The following HMCN2 variants were observed in gnomAD, a reference collection of about 807,000 sequenced individuals.
The protein encoded by HMCN2 is hemicentin-2.
In HMCN2, 325 loss-of-function variants were observed where a neutral mutation model predicts 377.5. The observed-to-expected ratio is 0.86, with a 90% confidence interval of 0.79 to 0.94. The LOEUF is 0.94. Ranked by LOEUF, HMCN2 falls within the 40% of genes least tolerant of loss-of-function variation. HMCN2 has a pLI of 0.00. For synonymous variants in HMCN2, 2,007 were observed against 2,046.8 expected (o/e 0.98, Z 0.53); for missense variants, 4,543 against 4,725.3 (o/e 0.96, Z 1.13).
At chr9:130,267,907 C>G (rs1834211777) in intron 1 of HMCN2, among the ~76,000 whole-genome samples, 1 of 152,252 alleles carries the variant, frequency 6.6e-6, no homozygotes, top group African/African-American at 2.4e-5. Context: ...CCAGCTCTCT[C>G]ACCCACTTTC....
At chr9:130,362,695 G>A (rs572307206) in intron 39 of HMCN2, among the ~76,000 whole-genome samples, 172 bp from the exon 40 acceptor site, 2 of 152,340 alleles carry the variant, frequency 1.3e-5, no homozygotes, top group South Asian at 2.1e-4. Flanking sequence ...GCAGAGGTCC[G>A]GAGGCCCAGA....
intron 36 of HMCN2, 88 bp downstream of exon 36, chr9:130,358,574 G>C (rs532772899): frequency 2.5e-6 from 3 of 1,213,082 alleles, no homozygotes; most frequent in Middle Eastern, 2.4e-4. Flanking sequence ...TGGCGAGGGA[G>C]GGGGAGGAGG....
At chr9:130,275,112 C>T (rs1429400798) in intron 1 of HMCN2, among the ~76,000 whole-genome samples, 6 of 151,800 alleles carry the variant, frequency 4.0e-5, no homozygotes, top group African/African-American at 1.2e-4. Flanking sequence ...CGCCAGCATC[C>T]GGGACATCAC....
chr9:130,429,504 G>A, intron 93 of HMCN2, 53 bp from the exon 94 acceptor site: 1 of 1,547,554 alleles, frequency 6.5e-7, no homozygotes, highest in Admixed American at 2.0e-5. Flanking sequence ...GTCCCTTGGG[G>A]GAGGGGCCCT....
intron 84 of HMCN2, among the ~76,000 whole-genome samples, chr9:130,410,321 C>T (rs1441501669): frequency 6.6e-6 from 1 of 152,200 alleles, no homozygotes; most frequent in African/African-American, 2.4e-5. Flanking sequence ...AGTTGTTCCA[C>T]CTAAGGCAAC....
intron 1 of HMCN2, among the ~76,000 whole-genome samples, chr9:130,275,869 C>CCTGGAGGT (rs1233041959): frequency 6.6e-6 from 1 of 152,070 alleles, no homozygotes; most frequent in Non-Finnish European, 1.5e-5. Flanking sequence ...GGCCTGGAGG[C>CCTGGAGGT]CTGGAGGTCT....
At chr9:130,384,917 C>A in intron 59 of HMCN2, 119 bp downstream of exon 59, 1 of 609,756 alleles carries the variant, frequency 1.6e-6, no homozygotes, top group Admixed American at 2.5e-5. Flanking sequence ...GAGGCTGGGA[C>A]GCCCGCACAG....
chr9:130,354,982 A>T lies in HMCN2; in HGVS notation c.5084A>T (p.Tyr1695Phe). The change falls in exon 32 of 98, where the codon TAC becomes TTC. Residue 1695 changes from tyrosine (Y) to phenylalanine (F), a missense_variant. Around this residue, in one of 5 missense-constraint regions of HMCN2, gnomAD observed 1,032 missense variants for 1,285.1 expected, o/e 0.80. Coordinates refer to ENST00000683500, the MANE Select transcript of HMCN2 (RefSeq NM_001291815.2). ...CCGGGGGAGGCATCCAGTGGCCTGTACAGCTGTGTGGCCAGCAGTCCTGCC... is the reference window on the plus strand; with the variant it reads ...CCGGGGGAGGCATCCAGTGGCCTGTTCAGCTGTGTGGCCAGCAGTCCTGCC... ...ESPGEASSGL[Y>F]SCVASSPAGE... 7.7e-7 allele frequency: 1 copy of T among 1,299,328 alleles called. No homozygotes were observed. The allele number at this position is 1,299,328 out of a possible 1,614,324, so 80.5% of individuals were successfully genotyped here. A position where few individuals can be genotyped will look rare whatever the true frequency, so the allele number is the denominator to read the frequency against.
chr9:130,330,113 C>T (rs1838348690), intron 22 of HMCN2, among the ~76,000 whole-genome samples: 1 of 151,946 alleles, frequency 6.6e-6, no homozygotes. Flanking sequence ...AGCCTCAAAG[C>T]TGCCCTTCTG....
In HMCN2 at chr9:130,362,149, G is replaced by A; in HGVS notation, c.6092G>A (p.Gly2031Glu). ...LKDGNPVSPA[G>E]TPGLQVFPGG... Reference sequence around the variant, plus strand: ...GATGGAAACCCTGTGTCCCCTGCAGGGACCCCTGGCCTGCAGGTCAGTAGG... The same window carrying A: ...GATGGAAACCCTGTGTCCCCTGCAGAGACCCCTGGCCTGCAGGTCAGTAGG... Residue 2031 changes from glycine to glutamate, a missense_variant, in exon 39 of 98, where the codon GGG (glycine) becomes GAG (glutamate). Gly to Glu is a moderately conservative substitution (Grantham distance 98). Transcript: ENST00000683500. The A allele has an allele frequency of 1.0e-6, 1 of 985,702 alleles. No individual in the cohort carries two copies. The highest frequency in any genetic ancestry group is 1.7e-5 in the African/African-American group (1 of 57,372). The allele number at this position is 985,702 out of a possible 1,614,324, so 61.1% of individuals were successfully genotyped here.
chr9:130,330,327 C>T (rs2131433015), intron 22 of HMCN2, among the ~76,000 whole-genome samples: 1 of 152,154 alleles, frequency 6.6e-6, no homozygotes, highest in East Asian at 1.9e-4. Flanking sequence ...GGGCTGAGAG[C>T]CAAGATGTGC....
chr9:130,427,301 T>C lies in HMCN2; in HGVS notation c.13880-12T>C, dbSNP rs1204656095. On this transcript the variant is annotated splice_polypyrimidine_tract_variant and intron_variant, in intron 90 of 97. Transcript: ENST00000683500. ...CCTCATGTCCTTAGAGTCTATCCTC[T>C]TTGCTTTGCAGAGGAGAACGAGGTC... The C allele has an allele frequency of 1.3e-6, 2 of 1,550,360 alleles. No homozygotes were observed. The highest frequency in any genetic ancestry group is 2.7e-5 in the African/African-American group (2 of 73,054).
chr9:130,424,152 CATATAT>C (rs34210773), intron 87 of HMCN2, among the ~76,000 whole-genome samples: 2 of 135,796 alleles, frequency 1.5e-5, no homozygotes, highest in African/African-American at 5.6e-5. Context: ...GGCTAATGTC[CATATAT>C]ATATATATAT....
intron 43 of HMCN2, 44 bp downstream of exon 43, chr9:130,366,039 CA>C (rs1273643487): frequency 1.0e-6 from 1 of 985,742 alleles, no homozygotes; most frequent in Non-Finnish European, 1.2e-6. Flanking sequence ...TTGCCAGGCA[CA>C]AGGAGGCTAT....
intron 79 of HMCN2, 98 bp from the exon 80 acceptor site, chr9:130,403,643 G>A: frequency 8.5e-7 from 1 of 1,172,866 alleles, no homozygotes; most frequent in Non-Finnish European, 1.1e-6. Flanking sequence ...ACCCCAGCAA[G>A]TCATTTGCTG....
At chr9:130,391,731 C>T (rs1244543944) in intron 65 of HMCN2, among the ~76,000 whole-genome samples, 157 bp downstream of exon 65, 2 of 152,150 alleles carry the variant, frequency 1.3e-5, no homozygotes, top group African/African-American at 2.4e-5. Flanking sequence ...TAGTGCCAGC[C>T]CAGGGTATAG....
Position 130,431,484 on chromosome 9 carries a change from A to T in HMCN2, c.14765A>T (p.Gln4922Leu). 1 of 1,548,932 alleles carries T rather than the reference A, an allele frequency of 6.5e-7. No homozygotes were observed. The highest frequency in any genetic ancestry group is 1.2e-5 in the South Asian group (1 of 84,022). ...CTGCTCCCCAGCGGGAAGAACTGCC[A>T]GGGTGAGCCGGGCTCAGGCCGCCGC... is the stretch of plus-strand genomic sequence containing the variant. ...YRLLPSGKNC[Q>L]DINECEEESI... The change falls in exon 96 of 98, where the codon CAG (glutamine) becomes CTG (leucine). Residue 4922 changes from glutamine (Q) to leucine (L), a missense_variant and splice_region_variant. Transcript: ENST00000683500.
At chr9:130,305,070 G>T in intron 11 of HMCN2, 68 bp downstream of exon 11, 1 of 432,494 alleles carries the variant, frequency 2.3e-6, no homozygotes. Flanking sequence ...CCCAGAAGCC[G>T]CGAGTCCTTC....
chr9:130,402,945 G>C (rs1249624577), intron 78 of HMCN2, 49 bp downstream of exon 78: 1 of 1,257,596 alleles, frequency 8.0e-7, no homozygotes, highest in Admixed American at 2.3e-5. Context: ...CAGGGGAGCA[G>C]GTGGAGAGCC....
Sources: allele counts gnomAD v4.1 joint callset (sites outside exome capture counted in the v4.1 genomes callset), GRCh38; gene constraint gnomAD v4.1.1; regional missense constraint gnomAD v4.1.1; transcripts MANE v1.5; gene names NCBI Gene and HGNC (gene_info 2026-07-23, HGNC 2026-07-21).